TNR: variants seen among roughly 807,000 people sequenced by gnomAD.
TNR encodes tenascin-R.
In TNR, 45 loss-of-function variants were observed where a neutral mutation model predicts 150.4. The ratio of observed to expected loss-of-function variants is 0.30; its 90% confidence interval spans 0.24 to 0.38. TNR has a LOEUF of 0.38. TNR is among the 10% of genes least tolerant of loss of function. TNR has a pLI of 1.00. For missense variants in TNR, 1,544 were observed against 1,759.1 expected (o/e 0.88, Z 2.19); for synonymous variants, 687 against 678.4 (o/e 1.01, Z -0.20).
intron 1 of TNR, among the ~76,000 whole-genome samples, chr1:175,530,941 C>A (rs1297883938): frequency 6.6e-6 from 1 of 152,172 alleles, no homozygotes. Flanking sequence ...TGTGAGTACC[C>A]AGGCCCATGC....
intron 2 of TNR, among the ~76,000 whole-genome samples, chr1:175,443,025 C>T (rs1262106059): frequency 1.3e-5 from 2 of 152,164 alleles, no homozygotes; most frequent in Non-Finnish European, 2.9e-5. Flanking sequence ...ATTTACAGCA[C>T]ATTCCTGCAG....
chr1:175,329,452 C>T (rs1042526392), intron 21 of TNR, among the ~76,000 whole-genome samples: 2 of 152,150 alleles, frequency 1.3e-5, no homozygotes, highest in Non-Finnish European at 2.9e-5. Context: ...CACAGAAAAC[C>T]TGACCGTCTA....
intron 8 of TNR, among the ~76,000 whole-genome samples, chr1:175,380,382 T>C (rs1652614587): frequency 6.6e-6 from 1 of 152,012 alleles, no homozygotes; most frequent in Non-Finnish European, 1.5e-5. Flanking sequence ...CATACCAACA[T>C]TTTCAGGTTG....
chr1:175,477,078 G>A (rs912349731), intron 2 of TNR, among the ~76,000 whole-genome samples: 3 of 151,998 alleles, frequency 2.0e-5, no homozygotes, highest in Non-Finnish European at 2.9e-5. Context: ...AAAATATAAG[G>A]GAAAATACCT....
At chr1:175,356,123 G>C (rs1490464247) in intron 16 of TNR, among the ~76,000 whole-genome samples, 196 bp downstream of exon 16, 1 of 152,124 alleles carries the variant, frequency 6.6e-6, no homozygotes, top group African/African-American at 2.4e-5. Flanking sequence ...GGTGAGAGCA[G>C]AAAACAGACA....
At chr1:175,388,152 G>T (rs552589809) in intron 7 of TNR, among the ~76,000 whole-genome samples, 1 of 152,222 alleles carries the variant, frequency 6.6e-6, no homozygotes, top group East Asian at 1.9e-4. Flanking sequence ...CATGATATCT[G>T]AAGCATAGTA....
intron 4 of TNR, among the ~76,000 whole-genome samples, chr1:175,400,886 C>T (rs1653676886): frequency 6.6e-6 from 1 of 152,172 alleles, no homozygotes; most frequent in Admixed American, 6.5e-5. Flanking sequence ...CTAGATACTT[C>T]TCTGGAAGAG....
chr1:175,365,974 T>G lies in TNR; in HGVS notation c.2218A>C (p.Thr740Pro). The change falls in exon 11 of 23, where the codon ACA becomes CCA. Residue 740 changes from threonine to proline, a missense_variant. Thr to Pro is a conservative substitution (Grantham distance 38). This residue lies in a region of TNR where 1,254 missense variants were observed against 1,329.4 expected (regional missense o/e 0.94). Transcript: ENST00000367674. ...GCCCCAGGCTCTAGATCTGTTAGTG[T>G]GTATGAGGTCCTGTCCTTGGGTACG... Reference protein sequence around the residue: ...VTVPKDRTSYTLTDLEPGAEY... With the variant: ...VTVPKDRTSYPLTDLEPGAEY... The G allele has an allele frequency of 6.2e-7, 1 of 1,614,068 alleles. No homozygotes were observed. The highest frequency in any genetic ancestry group is 8.5e-7 in the Non-Finnish European group (1 of 1,179,998).
chr1:175,621,127 T>C (rs10798408), intron 1 of TNR, among the ~76,000 whole-genome samples: 72,270 of 152,058 alleles, frequency 0.48, 18,369 homozygotes, highest in African/African-American at 0.68. Flanking sequence ...GACCTCTTCT[T>C]TCCAGCTGAC....
chr1:175,364,138 G>T (rs1166425737), intron 12 of TNR, among the ~76,000 whole-genome samples: 1 of 151,966 alleles, frequency 6.6e-6, no homozygotes, highest in Non-Finnish European at 1.5e-5. Flanking sequence ...GTTTTGAATT[G>T]GGAGAAACAT....
intron 1 of TNR, among the ~76,000 whole-genome samples, chr1:175,651,610 G>A (rs1417609442): frequency 6.6e-6 from 1 of 151,854 alleles, no homozygotes; most frequent in Non-Finnish European, 1.5e-5. Flanking sequence ...AGAATCCTAG[G>A]CCTGGTCATT....
chr1:175,435,564 T>C (rs948458173), intron 2 of TNR, among the ~76,000 whole-genome samples: 3 of 152,308 alleles, frequency 2.0e-5, no homozygotes, highest in African/African-American at 7.2e-5. Flanking sequence ...AGGGAGAAGT[T>C]GGGCTGGAGA....
In TNR at chr1:175,701,337, G is replaced by A. The variant is rs975967142; in HGVS notation, c.-165+41889C>T. ...CCACCCACCACTTCTTCTCATGGTG[G>A]CCTTGAATAAGTCACCAATGCATTA... is the stretch of plus-strand genomic sequence containing the variant. On this transcript the variant is annotated intron_variant, in intron 1 of 22. Transcript: ENST00000367674. 1.8e-4 allele frequency among the ~76,000 whole-genome samples: 28 copies of A among 152,168 alleles called. No individual in the cohort carries two copies. The East Asian group carries it at 5.2e-3, about 28-fold the overall frequency.
At chr1:175,363,045 G>C (rs12406012) in intron 13 of TNR, among the ~76,000 whole-genome samples, 27,590 of 152,178 alleles carry the variant, frequency 0.18, 3,115 homozygotes, top group Non-Finnish European at 0.25. Flanking sequence ...CCTATTAAGT[G>C]GTTTTCTAAC....
intron 2 of TNR, among the ~76,000 whole-genome samples, chr1:175,499,984 A>G (rs944604941): frequency 6.6e-6 from 1 of 152,216 alleles, no homozygotes; most frequent in African/African-American, 2.4e-5. Flanking sequence ...GGTTGTGTCC[A>G]TCAGAGTCTG....
intron 2 of TNR, among the ~76,000 whole-genome samples, chr1:175,428,508 T>A (rs1655113012): frequency 6.6e-6 from 1 of 152,236 alleles, no homozygotes; most frequent in South Asian, 2.1e-4. Context: ...TTCAATTTTC[T>A]AAGCAACCCT....
At chr1:175,604,535 G>A (rs1315011210) in intron 1 of TNR, among the ~76,000 whole-genome samples, 1 of 152,138 alleles carries the variant, frequency 6.6e-6, no homozygotes, top group Non-Finnish European at 1.5e-5. Flanking sequence ...TCACTTCCTT[G>A]CCCGATGCTA....
At chr1:175,325,951 G>A (rs2101979931) in intron 21 of TNR, among the ~76,000 whole-genome samples, 1 of 152,188 alleles carries the variant, frequency 6.6e-6, no homozygotes, top group South Asian at 2.1e-4. Flanking sequence ...ACACCAACAT[G>A]GCACATGTAT....
intron 1 of TNR, among the ~76,000 whole-genome samples, chr1:175,600,893 G>A (rs1663207162): frequency 6.6e-6 from 1 of 152,194 alleles, no homozygotes. Flanking sequence ...TTACGCTACA[G>A]AGGAACTCCT....
Sources: gnomAD v4.1 joint callset for allele counts (sites outside exome capture counted in the v4.1 genomes callset) on GRCh38, gnomAD v4.1.1 for gene constraint, gnomAD v4.1.1 regional missense constraint, MANE v1.5 for transcripts, NCBI Gene and HGNC (gene_info 2026-07-23, HGNC 2026-07-21) for gene names.